ABCB9: variants seen among roughly 807,000 people sequenced by gnomAD.
ABCB9 encodes the protein ATP binding cassette subfamily B member 9, also known as ABC-type oligopeptide transporter ABCB9.
In ABCB9, 36 loss-of-function variants were observed where a neutral mutation model predicts 62.0. That is an observed-to-expected ratio of 0.58 (90% confidence interval 0.45 to 0.77). The LOEUF is 0.77. ABCB9 is among the 30% of genes least tolerant of loss of function. ABCB9 has a pLI of 0.00. For synonymous variants in ABCB9, 435 were observed against 461.4 expected (o/e 0.94, Z 0.73); for missense variants, 943 against 1,054.7 (o/e 0.89, Z 1.47).
rs138960526 is a variant in ABCB9, at chr12:122,950,830, G to A, written c.602-265C>T. The A allele has an allele frequency of 1.5e-5, 6 of 405,114 alleles. No homozygotes were observed. In the East Asian group the frequency reaches 2.0e-4, roughly 13 times the overall value. 25.1% of individuals were successfully genotyped at this position (405,114 alleles called of 1,614,324 possible). A position where few individuals can be genotyped will look rare whatever the true frequency, so the allele number is the denominator to read the frequency against. On this transcript the variant is annotated intron_variant, in intron 2 of 11. Transcript: ENST00000280560. ...AGTGGCTACCAGGCATCGAGCCAGG[G>A]CTCCTGCAGGATGCTTCATTCTCTT...
intron 7 of ABCB9, among the ~76,000 whole-genome samples, chr12:122,942,142 G>A (rs1336414466): frequency 6.6e-6 from 1 of 152,154 alleles, no homozygotes; most frequent in Non-Finnish European, 1.5e-5. Context: ...GAGCCTAGAA[G>A]TGGCAGAGCC....
At chr12:122,950,704 GC>G in intron 2 of ABCB9, 139 bp from the exon 3 acceptor site, 1 of 696,286 alleles carries the variant, frequency 1.4e-6, no homozygotes, top group Non-Finnish European at 2.4e-6. Context: ...AACTCTTGCT[GC>G]CCATCGTGGG....
At chr12:122,954,336 G>A (rs1163231447) in intron 2 of ABCB9, among the ~76,000 whole-genome samples, 1 of 152,176 alleles carries the variant, frequency 6.6e-6, no homozygotes, top group African/African-American at 2.4e-5. Flanking sequence ...AGCCTCCCGA[G>A]TAGCTGGGAT....
upstream of ABCB9, among the ~76,000 whole-genome samples, chr12:122,971,472 T>G (rs1247819383): frequency 6.6e-6 from 1 of 152,164 alleles, no homozygotes; most frequent in African/African-American, 2.4e-5. Flanking sequence ...ATGATTTTTT[T>G]GAGACAGGGT....
Position 122,940,141 on chromosome 12 carries a change from G to A in ABCB9, c.1713C>T (p.Ser571=), listed in dbSNP as rs553768721. 8 of 1,612,852 alleles carry A rather than the reference G, an allele frequency of 5.0e-6. No individual in the cohort carries two copies. The highest frequency in any genetic ancestry group is 4.5e-5 in the East Asian group (2 of 44,862). The change falls in exon 9 of 12, where the codon AGC becomes AGT. Residue 571 remains serine (S), a synonymous_variant. Transcript: ENST00000280560. The surrounding 1 kb of genome is among the most constrained non-coding windows in gnomAD (Gnocchi z 4.8). ...GGTGCAAGTACTTGTGGTCGTAGGC[G>A]CTGATGGGCTTGCCGTCCAGCAGCA... ...GRVLLDGKPI[S]AYDHKYLHRV...
chr12:122,951,008 AT>A (rs1178686841), intron 2 of ABCB9: 106 of 123,754 alleles, frequency 8.6e-4, no homozygotes, highest in Admixed American at 1.4e-3. Flanking sequence ...TGCCAGGCTA[AT>A]TTTTTTTTTT....
In ABCB9 at chr12:122,929,868, G is replaced by A. The variant is rs750238819; in HGVS notation, c.*43C>T. The A allele has an allele frequency of 1.3e-6, 2 of 1,492,834 alleles. No homozygotes were observed. Among genetic ancestry groups the A allele is most frequent in the South Asian group, 1.3e-5 (1 of 76,152 alleles). The allele number at this position is 1,492,834 out of a possible 1,614,324, so 92.5% of individuals were successfully genotyped here. ...CTCCGTGGGCACATCTGCCAGGCAG[G>A]CACCGGGTCCTCTGCCCCACCGGGA... On this transcript the variant is annotated 3_prime_UTR_variant, in exon 12 of 12. Transcript: ENST00000280560. This position sits in a 1 kb window ranked among gnomAD's most constrained non-coding sequence, Gnocchi z 6.0.
At chr12:122,934,179 C>T (rs903301495) in intron 10 of ABCB9, among the ~76,000 whole-genome samples, 3 of 152,038 alleles carry the variant, frequency 2.0e-5, no homozygotes, top group Non-Finnish European at 4.4e-5. Context: ...ACCTGGGAGA[C>T]GGAGGTTGCA....
Position 122,932,103 on chromosome 12 carries a change from T to A in ABCB9, c.2040+89A>T. The A allele has an allele frequency of 6.5e-7, 1 of 1,545,574 alleles. No individual in the cohort carries two copies. Among genetic ancestry groups the A allele is most frequent in the Non-Finnish European group, 8.7e-7 (1 of 1,145,362 alleles). On this transcript the variant is annotated intron_variant, in intron 11 of 11. Transcript: ENST00000280560. The surrounding 1 kb of genome is among the most constrained non-coding windows in gnomAD (Gnocchi z 4.7). ...TCTGGGAGAGCTCCTGGGGCCCGTC[T>A]CTTCTCAGCATCCATCTGCTGGGCG... is the stretch of plus-strand genomic sequence containing the variant.
At chr12:122,923,214 C>T (rs928887499) in intron 11 of ABCB9, among the ~76,000 whole-genome samples, 3 of 151,708 alleles carry the variant, frequency 2.0e-5, no homozygotes, top group Non-Finnish European at 4.4e-5. Flanking sequence ...GCAATCCTCC[C>T]GTTTCAGGCT....
intron 2 of ABCB9, 89 bp from the exon 3 acceptor site, chr12:122,950,654 C>G: frequency 9.6e-7 from 1 of 1,046,116 alleles, no homozygotes; most frequent in Non-Finnish European, 1.4e-6. Flanking sequence ...ACACACCAAC[C>G]CCTCTGCCCA....
chr12:122,920,300 A>G (rs2034716652), downstream of ABCB9, among the ~76,000 whole-genome samples: 1 of 151,584 alleles, frequency 6.6e-6, no homozygotes. Context: ...CAGCACAGGT[A>G]TCTCCTTCAC....
In ABCB9 at chr12:122,960,310, G is replaced by A; in HGVS notation, c.-75C>T. The A allele has an allele frequency of 6.5e-7, 1 of 1,534,866 alleles. No individual in the cohort carries two copies. Among genetic ancestry groups the A allele is most frequent in the Non-Finnish European group, 8.8e-7 (1 of 1,139,414 alleles). On this transcript the variant is annotated 5_prime_UTR_variant, in exon 2 of 12. Transcript: ENST00000280560. ...GGGGCAAGGCCATCATCATCCACAGGGCGAGGCCAGGCCTGTAGGGACAAC... is the reference window on the plus strand; with the variant it reads ...GGGGCAAGGCCATCATCATCCACAGAGCGAGGCCAGGCCTGTAGGGACAAC...
rs1385707086 is a variant in ABCB9 at position 122,940,242 on chromosome 12, C to T, written c.1612G>A (p.Val538Met). 5 of 1,609,832 alleles carry T rather than the reference C, an allele frequency of 3.1e-6. No individual in the cohort carries two copies. Among genetic ancestry groups the T allele is most frequent in the Admixed American group, 1.7e-5 (1 of 59,500 alleles). The change falls in exon 9 of 12, where the codon GTG becomes ATG. Residue 538 changes from valine (V) to methionine (M), a missense_variant. Coordinates refer to ENST00000280560, the MANE Select transcript of ABCB9 (RefSeq NM_019625.4). This position sits in a 1 kb window ranked among gnomAD's most constrained non-coding sequence, Gnocchi z 4.8. Reference protein sequence around the residue: ...SLSPGKVTALVGPSGSGKSSC... With the variant: ...SLSPGKVTALMGPSGSGKSSC... ...CTCTTCCCACTGCCCGAGGGCCCCA[C>T]CAGGGCCGTCACCTTGCCGGGGGAC...
At chr12:122,922,663 G>C (rs1373308654) in intron 11 of ABCB9, among the ~76,000 whole-genome samples, 1 of 152,234 alleles carries the variant, frequency 6.6e-6, no homozygotes, top group Non-Finnish European at 1.5e-5. Context: ...ACAGGTGTGA[G>C]CCACTGCACC....
upstream of ABCB9, among the ~76,000 whole-genome samples, chr12:122,968,904 C>T (rs1051836577): frequency 3.3e-5 from 5 of 152,092 alleles, no homozygotes; most frequent in Non-Finnish European, 2.9e-5. Flanking sequence ...CATCAGCCAC[C>T]GCACCCGGCC....
chr12:122,932,059 C>T lies in ABCB9; in HGVS notation c.2040+133G>A, dbSNP rs193184698. On this transcript the variant is annotated intron_variant, in intron 11 of 11. Transcript: ENST00000280560. The surrounding 1 kb of genome is among the most constrained non-coding windows in gnomAD (Gnocchi z 4.7). The stretch of plus-strand genomic sequence containing the variant: ...CCCACTCTCAACACCAGGAATTCAC[C>T]AGCCCAGGAGGCTGATAGTCTGGGA... 4.1e-6 allele frequency: 6 copies of T among 1,474,682 alleles called. No homozygotes were observed. In the East Asian group the frequency reaches 1.2e-4, roughly 30 times the overall value. The allele number at this position is 1,474,682 out of a possible 1,614,324, so 91.3% of individuals were successfully genotyped here. A position where few individuals can be genotyped will look rare whatever the true frequency, so the allele number is the denominator to read the frequency against.
At position 122,944,548 on chromosome 12, in the gene ABCB9, C is replaced by A; in HGVS notation, c.1252-29G>T. On this transcript the variant is annotated intron_variant, in intron 6 of 11. Coordinates refer to ENST00000280560, the MANE Select transcript of ABCB9 (RefSeq NM_019625.4). The surrounding 1 kb of genome is among the most constrained non-coding windows in gnomAD (Gnocchi z 4.9). ...GGGCAGAGGGAGAGGGGATGTGGGT[C>A]GAGGGGACCTTAGATCCCCCACCAT... The A allele has an allele frequency of 6.2e-7, 1 of 1,610,838 alleles. No homozygotes were observed. Among genetic ancestry groups the A allele is most frequent in the South Asian group, 1.1e-5 (1 of 90,858 alleles).
upstream of ABCB9, chr12:122,966,599 G>A (rs1170488906): frequency 6.6e-6 from 1 of 152,038 alleles, no homozygotes; most frequent in African/African-American, 2.4e-5. Context: ...TCCTGGACGG[G>A]GCGGGGCCCC....
Sources: gnomAD v4.1 joint callset for allele counts (sites outside exome capture counted in the v4.1 genomes callset) on GRCh38, gnomAD v4.1.1 for gene constraint, Gnocchi (gnomAD v3.1) non-coding constraint, MANE v1.5 for transcripts, NCBI Gene and HGNC (gene_info 2026-07-23, HGNC 2026-07-21) for gene names.